Variants in LTBP3 observed in about 807,000 individuals in gnomAD.
The protein encoded by LTBP3 is latent-transforming growth factor beta-binding protein 3.
In LTBP3, 97 loss-of-function variants were observed where a neutral mutation model predicts 159.7. The observed-to-expected ratio is 0.61, with a 90% CI of 0.52 to 0.72. LTBP3 has a LOEUF of 0.72. Among genes scored for constraint, LTBP3 ranks in the 30% least tolerant of loss-of-function variants. The pLI is 0.00. For missense variants in LTBP3, 1,584 were observed against 1,864.3 expected (o/e 0.85, Z 2.77); for synonymous variants, 824 against 777.1 (o/e 1.06, Z -1.00).
chr11:65,539,551 T>C lies in LTBP3; in HGVS notation c.3625A>G (p.Arg1209Gly), dbSNP rs1200568862. The change falls in exon 26 of 28, where the codon AGA becomes GGA. Residue 1209 changes from arginine to glycine, a missense_variant. Physicochemically the swap from Arg to Gly is moderately radical, Grantham distance 125 (BLOSUM62 -2). Around this residue, in one of 6 missense-constraint regions of LTBP3, gnomAD observed 514 missense variants for 530.3 expected, o/e 0.97. Transcript: ENST00000301873. ...CGCCCGACCCGGCAGCACTCACCTC[T>C]TGGGGGCTTCCCCAACAGCAGGGGG... ...TSPLLLGKPP[R>G]DEDSSEEDSD... The C allele has an allele frequency of 1.9e-6, 3 of 1,612,342 alleles. No individual in the cohort carries two copies. The highest frequency in any genetic ancestry group is 2.2e-5 in the East Asian group (1 of 44,808).
Position 65,546,657 on chromosome 11 carries a change from G to A in LTBP3, c.2231-93C>T. The A allele has an allele frequency of 6.4e-7, 1 of 1,574,108 alleles. No homozygotes were observed. The highest frequency in any genetic ancestry group is 8.6e-7 in the Non-Finnish European group (1 of 1,166,950). On this transcript the variant is annotated intron_variant, in intron 15 of 27. Transcript: ENST00000301873. The surrounding 1 kb of genome is among the most constrained non-coding windows in gnomAD (Gnocchi z 4.0). ...GTGGGTCTCTTCCCTGGAACGCGGG[G>A]TTGAGAGGGCAGCCTCTACTCCCGG...
Position 65,539,788 on chromosome 11 carries a change from T to C in LTBP3, c.3479A>G (p.Asp1160Gly). Residue 1160 changes from aspartate (D) to glycine (G), a missense_variant, in exon 25 of 28, where the codon GAC becomes GGC. Transcript: ENST00000301873. The stretch of plus-strand genomic sequence containing the variant: ...GCGGCCCTGGCGGCAGCAGCAGTCG[T>C]CGAAGGTGAGGGCAGGCCCGGCCAG... ...GPLAGPALTF[D>G]DCCCRQGRGW... is the part of the protein sequence containing the mutation. 6.5e-7 allele frequency: 1 copy of C among 1,545,120 alleles called. No homozygotes were observed. Among genetic ancestry groups the C allele is most frequent in the Non-Finnish European group, 8.7e-7 (1 of 1,152,766 alleles).
rs2135157911 is a variant in LTBP3 at position 65,553,672 on chromosome 11, A to G, written c.864+29T>C. 1 of 1,558,508 alleles carries G rather than the reference A, an allele frequency of 6.4e-7. No individual in the cohort carries two copies. The highest frequency in any genetic ancestry group is 1.4e-5 in the African/African-American group (1 of 74,034). ...GGCAGAGCAACCCTGAGAGAAGGAA[A>G]GGCAGATCCCGACTGTGGATTCACT... On this transcript the variant is annotated intron_variant, in intron 3 of 27. Coordinates refer to ENST00000301873, the MANE Select transcript of LTBP3 (RefSeq NM_001130144.3). The surrounding 1 kb of genome is among the most constrained non-coding windows in gnomAD (Gnocchi z 6.5).
In LTBP3 at chr11:65,553,569, C is replaced by T; in HGVS notation, c.865-39G>A. On this transcript the variant is annotated intron_variant, in intron 3 of 27. Transcript: ENST00000301873. The surrounding 1 kb of genome is among the most constrained non-coding windows in gnomAD (Gnocchi z 6.5). Reference sequence around the variant, plus strand: ...GGGGAGGTGGGGTCACAGAGCACCCCGCCCCGGTGCCGCCTGTTAGGGTTG... The same window carrying T: ...GGGGAGGTGGGGTCACAGAGCACCCTGCCCCGGTGCCGCCTGTTAGGGTTG... 6.7e-7 allele frequency: 1 copy of T among 1,502,438 alleles called. No homozygotes were observed. The highest frequency in any genetic ancestry group is 9.2e-7 in the Non-Finnish European group (1 of 1,087,288). The allele number at this position is 1,502,438 out of a possible 1,614,324, so 93.1% of individuals were successfully genotyped here. A position where few individuals can be genotyped will look rare whatever the true frequency, so the allele number is the denominator to read the frequency against.
intron 11 of LTBP3, among the ~76,000 whole-genome samples, chr11:65,549,129 T>A (rs1196555476): frequency 6.6e-6 from 1 of 152,188 alleles, no homozygotes; most frequent in Non-Finnish European, 1.5e-5. Context: ...GTAAAACTCT[T>A]CAGACAGTAC....
At position 65,539,936 on chromosome 11, in the gene LTBP3, C is replaced by T. The variant is rs1033870849; in HGVS notation, c.3386-55G>A. 23 of 1,470,312 alleles carry T rather than the reference C, an allele frequency of 1.6e-5. No homozygotes were observed. In the Admixed American group the frequency reaches 4.6e-4, roughly 29 times the overall value. 91.1% of individuals were successfully genotyped at this position (1,470,312 alleles called of 1,614,324 possible). On this transcript the variant is annotated intron_variant, in intron 24 of 27. Transcript: ENST00000301873. ...GGCCCAAGGCAGGAACCGCCCGCCT[C>T]CGCCCCACCCCACCTGCGCGGGGGC...
rs1003873965 is a variant in LTBP3, at chr11:65,539,401, C to T, written c.3687G>A (p.Val1229=). 7 of 1,548,458 alleles carry T rather than the reference C, an allele frequency of 4.5e-6. No individual in the cohort carries two copies. In the African/African-American group the frequency reaches 6.9e-5, roughly 15 times the overall value. Reference sequence around the variant, plus strand: ...CGCACACGGCGCCGCCCGGCCGCGGCACGCAGCGGCCACTCACGCAGCGAC... The same window carrying T: ...CGCACACGGCGCCGCCCGGCCGCGGTACGCAGCGGCCACTCACGCAGCGAC... ...DECRCVSGRC[V]PRPGGAVCEC... The change falls in exon 27 of 28, where the codon GTG becomes GTA. Residue 1229 remains valine (V), a synonymous_variant. Coordinates refer to ENST00000301873, the MANE Select transcript of LTBP3 (RefSeq NM_001130144.3).
chr11:65,546,722 G>GC lies in LTBP3; in HGVS notation c.2230+75dup. ...AGACGCCAATCACCACCGCTACCCC[G>GC]CCCCGCCCCCAGCGGAGCCAGACTG... On this transcript the variant is annotated intron_variant, in intron 15 of 27. Coordinates refer to ENST00000301873, the MANE Select transcript of LTBP3 (RefSeq NM_001130144.3). The surrounding 1 kb of genome is among the most constrained non-coding windows in gnomAD (Gnocchi z 4.0). The GC allele has an allele frequency of 1.7e-5, 16 of 943,506 alleles. No homozygotes were observed. The highest frequency in any genetic ancestry group is 9.5e-5 in the Admixed American group (4 of 42,060). 58.4% of individuals were successfully genotyped at this position (943,506 alleles called of 1,614,324 possible).
In LTBP3 at chr11:65,553,051, C is replaced by T. The variant is rs1054760694; in HGVS notation, c.1064-69G>A. 177 of 1,612,378 alleles carry T rather than the reference C, an allele frequency of 1.1e-4. No homozygotes were observed. The East Asian group carries it at 3.3e-3, about 30-fold the overall frequency. ...GGTGACAGCAGGCTGCTCCAAGAAC[C>T]TCAGGGTCTTGCCCCAGCCCCACCT... On this transcript the variant is annotated intron_variant, in intron 5 of 27. Coordinates refer to ENST00000301873, the MANE Select transcript of LTBP3 (RefSeq NM_001130144.3). The surrounding 1 kb of genome is among the most constrained non-coding windows in gnomAD (Gnocchi z 6.5).
In LTBP3 at chr11:65,552,086, G is replaced by A; in HGVS notation, c.1417C>T (p.Gln473Ter). The change falls in exon 8 of 28, where the codon CAG (glutamine) becomes TAG (stop). Residue 473 changes from glutamine to a stop codon, truncating the protein, a stop_gained. Transcript: ENST00000301873. LOFTEE classifies it high-confidence loss of function. This position sits in a 1 kb window ranked among gnomAD's most constrained non-coding sequence, Gnocchi z 6.0. The part of the protein sequence containing the change: ...ILTSHQTLTI[Q>*]GESDFSLFLH... ...AAAAGGGAAAAGTCACTCTCGCCCT[G>A]AATGGTGAGCGTCTGGTGGGAGGTG... 1 of 1,614,172 alleles carries A rather than the reference G, an allele frequency of 6.2e-7. No homozygotes were observed. Among genetic ancestry groups the A allele is most frequent in the Non-Finnish European group, 8.5e-7 (1 of 1,180,028 alleles).
rs1856731901 is a variant in LTBP3 at position 65,554,370 on chromosome 11, A to G, written c.342T>C (p.Pro114=). 2 of 1,611,550 alleles carry G rather than the reference A, an allele frequency of 1.2e-6. No individual in the cohort carries two copies. Among genetic ancestry groups the G allele is most frequent in the Admixed American group, 3.3e-5 (2 of 59,858 alleles). ...ACTGGCCGCCATTCATGCAGGGGAG[A>G]GGGCACACCACTGGGGAGAAGAGTG... The part of the protein sequence containing the change: ...TGSGFRVVVC[P]LPCMNGGQCS... Residue 114 remains proline, a synonymous_variant, in exon 2 of 28, where the codon CCT becomes CCC. Coordinates refer to ENST00000301873, the MANE Select transcript of LTBP3 (RefSeq NM_001130144.3). This position sits in a 1 kb window ranked among gnomAD's most constrained non-coding sequence, Gnocchi z 5.3.
At position 65,540,874 on chromosome 11, in the gene LTBP3, G is replaced by A. The variant is rs1455105685; in HGVS notation, c.2974C>T (p.Arg992Cys). Residue 992 changes from arginine to cysteine, a missense_variant, in exon 21 of 28, where the codon CGT becomes TGT. By Grantham distance (180) the Arg-to-Cys change is radical (BLOSUM62 -3). Transcript: ENST00000301873. ...GGCGGAGCCGCAGGGCGCTTACCAC[G>A]GTGGGCTGGGATGCCGTAGTTGACG... ...NIVNYGIPAH[R>C]DIDECMLFGS... 3 of 1,611,332 alleles carry A rather than the reference G, an allele frequency of 1.9e-6. No homozygotes were observed. The highest frequency in any genetic ancestry group is 2.5e-6 in the Non-Finnish European group (3 of 1,178,920).
At chr11:65,555,906 C>T (rs1174502266) in intron 1 of LTBP3, among the ~76,000 whole-genome samples, 1 of 152,192 alleles carries the variant, frequency 6.6e-6, no homozygotes, top group Admixed American at 6.5e-5. Context: ...AGGCTAAGCA[C>T]ATCCCAGCCC....
In LTBP3 at chr11:65,552,738, T is replaced by G; in HGVS notation, c.1186+122A>C. ...GGACCCTGCTGATCCCTGATCCTAT[T>G]GGCTCTGGGCCTTGTTCCTCCTGCA... On this transcript the variant is annotated intron_variant, in intron 6 of 27. Coordinates refer to ENST00000301873, the MANE Select transcript of LTBP3 (RefSeq NM_001130144.3). This position sits in a 1 kb window ranked among gnomAD's most constrained non-coding sequence, Gnocchi z 6.0. 7.1e-7 allele frequency: 1 copy of G among 1,409,376 alleles called. No individual in the cohort carries two copies. The highest frequency in any genetic ancestry group is 1.0e-6 in the Non-Finnish European group (1 of 1,001,278). The allele number at this position is 1,409,376 out of a possible 1,614,324, so 87.3% of individuals were successfully genotyped here.
Position 65,553,558 on chromosome 11 carries a change from A to G in LTBP3, c.865-28T>C. On this transcript the variant is annotated intron_variant, in intron 3 of 27. Coordinates refer to ENST00000301873, the MANE Select transcript of LTBP3 (RefSeq NM_001130144.3). This position sits in a 1 kb window ranked among gnomAD's most constrained non-coding sequence, Gnocchi z 6.5. ...AGGGGAAGGAGGGGGAGGTGGGGTC[A>G]CAGAGCACCCCGCCCCGGTGCCGCC... is the stretch of plus-strand genomic sequence containing the variant. 1 of 1,508,832 alleles carries G rather than the reference A, an allele frequency of 6.6e-7. No individual in the cohort carries two copies. The highest frequency in any genetic ancestry group is 1.1e-5 in the South Asian group (1 of 88,440). The allele number at this position is 1,508,832 out of a possible 1,614,324, so 93.5% of individuals were successfully genotyped here.
Position 65,539,987 on chromosome 11 carries a change from CGGCCAA to C in LTBP3, c.3385+20_3385+25del, listed in dbSNP as rs1440717116. On this transcript the variant is annotated intron_variant, in intron 24 of 27. Coordinates refer to ENST00000301873, the MANE Select transcript of LTBP3 (RefSeq NM_001130144.3). ...CACGTGACGGACAGGGCCCCGGGAT[CGGCCAA>C]GGCCAACCCTCGCCCTCACCGGCCG... 1 of 1,458,974 alleles carries C rather than the reference CGGCCAA, an allele frequency of 6.9e-7. No individual in the cohort carries two copies. Among genetic ancestry groups the C allele is most frequent in the African/African-American group, 1.5e-5 (1 of 68,146 alleles). The allele number at this position is 1,458,974 out of a possible 1,614,324, so 90.4% of individuals were successfully genotyped here.
At chr11:65,542,391 T>TC (rs1856178667) in intron 18 of LTBP3, 1 of 140,122 alleles carries the variant, frequency 7.1e-6, no homozygotes, top group Non-Finnish European at 1.6e-5. Context: ...CTTTTTTTTT[T>TC]TTTTTTTTTT....
In LTBP3 at chr11:65,539,591, G is replaced by C; in HGVS notation, c.3585C>G (p.Ser1195=). The C allele has an allele frequency of 6.2e-7, 1 of 1,612,950 alleles. No individual in the cohort carries two copies. Among genetic ancestry groups the C allele is most frequent in the Non-Finnish European group, 8.5e-7 (1 of 1,179,454 alleles). Residue 1195 remains serine, a synonymous_variant, in exon 26 of 28, where the codon TCC becomes TCG. Transcript: ENST00000301873. ...HCPTSQSESN[S]FWDTSPLLLG... ...ACAGCAGGGGGCTTGTGTCCCAGAA[G>C]GAATTGCTCTCGCTCTGCGATGTCG... is the stretch of plus-strand genomic sequence containing the variant.
At chr11:65,548,124 CCA>C in intron 11 of LTBP3, 79 bp from the exon 12 acceptor site, 2 of 1,599,134 alleles carry the variant, frequency 1.3e-6, no homozygotes, top group Non-Finnish European at 1.7e-6. Flanking sequence ...CCTCAACACC[CCA>C]GTCACACCAT....
Sources: allele counts gnomAD v4.1 joint callset (sites outside exome capture counted in the v4.1 genomes callset), GRCh38; gene constraint gnomAD v4.1.1; regional missense constraint gnomAD v4.1.1; non-coding constraint Gnocchi (gnomAD v3.1); transcripts MANE v1.5; gene names NCBI Gene and HGNC (gene_info 2026-07-23, HGNC 2026-07-21).